ERBB4: variants seen among roughly 807,000 people sequenced by gnomAD.
The protein encoded by ERBB4 is receptor tyrosine-protein kinase erbB-4.
In ERBB4, 42 loss-of-function variants were observed where a neutral mutation model predicts 158.0. That is an observed-to-expected ratio of 0.27 (90% CI 0.21 to 0.34). The LOEUF is 0.34. Among genes scored for constraint, ERBB4 ranks in the 10% least tolerant of loss-of-function variants. The probability of loss-of-function intolerance (pLI) is 1.00; values close to 1 mark genes in which losing one functional copy is unlikely to be tolerated. For synonymous variants in ERBB4, 583 were observed against 558.7 expected, an observed-to-expected ratio of 1.04 and a Z score of -0.61; for missense variants, 1,333 against 1,624.1, an observed-to-expected ratio of 0.82 and a Z score of 3.08.
At chr2:211,409,404 T>C (rs998670820) in intron 25 of ERBB4, among the ~76,000 whole-genome samples, 13 of 152,228 alleles carry the variant, frequency 8.5e-5, no homozygotes, top group African/African-American at 3.1e-4. Flanking sequence ...CAATAAATGG[T>C]AGCTATATTT....
intron 1 of ERBB4, among the ~76,000 whole-genome samples, chr2:212,410,214 T>C (rs1159258525): frequency 1.3e-5 from 2 of 152,072 alleles, no homozygotes; most frequent in East Asian, 1.9e-4. Flanking sequence ...CTGTCATTTA[T>C]GGTGACAACT....
intron 1 of ERBB4, among the ~76,000 whole-genome samples, chr2:212,188,526 A>T (rs183944725): frequency 6.6e-6 from 1 of 151,868 alleles, no homozygotes; most frequent in Admixed American, 6.6e-5. Flanking sequence ...AGTCTCCTAC[A>T]TAAAAGTATT....
At chr2:211,619,153 G>A (rs2125846819) in intron 19 of ERBB4, 24 bp downstream of exon 19, 1 of 1,390,242 alleles carries the variant, frequency 7.2e-7, no homozygotes, top group South Asian at 1.2e-5. Flanking sequence ...AGAAAAATGT[G>A]ATTGCCTGGG....
At chr2:211,574,381 T>A (rs771778891) in intron 19 of ERBB4, among the ~76,000 whole-genome samples, 1 of 152,204 alleles carries the variant, frequency 6.6e-6, no homozygotes, top group Non-Finnish European at 1.5e-5. Context: ...CTTCAAAGAC[T>A]ACATAAATTT....
intron 1 of ERBB4, among the ~76,000 whole-genome samples, chr2:212,502,227 T>A (rs958227672): frequency 3.3e-5 from 5 of 152,140 alleles, no homozygotes; most frequent in African/African-American, 1.2e-4. Context: ...AAAACTGCTC[T>A]GGTGTTGAAG....
intron 1 of ERBB4, among the ~76,000 whole-genome samples, chr2:212,485,607 T>G (rs927027677): frequency 4.6e-5 from 7 of 152,146 alleles, no homozygotes; most frequent in African/African-American, 1.7e-4. Context: ...GTTAAAAAAT[T>G]TATTATAAAA....
At chr2:211,761,646 G>A (rs2075416835) in intron 4 of ERBB4, among the ~76,000 whole-genome samples, 1 of 152,148 alleles carries the variant, frequency 6.6e-6, no homozygotes, top group Non-Finnish European at 1.5e-5. Flanking sequence ...CAGTAAATGG[G>A]TCTAAAATAA....
intron 4 of ERBB4, among the ~76,000 whole-genome samples, chr2:211,753,747 A>T (rs754192074): frequency 6.8e-6 from 1 of 146,940 alleles, no homozygotes; most frequent in Non-Finnish European, 1.5e-5. Context: ...ATATATATAT[A>T]TTTAATATAT....
chr2:211,857,851 T>C (rs1218558479), intron 3 of ERBB4, among the ~76,000 whole-genome samples: 1 of 152,206 alleles, frequency 6.6e-6, no homozygotes, highest in Non-Finnish European at 1.5e-5. Context: ...TTCTCCGCTA[T>C]TGGGAAATGC....
intron 3 of ERBB4, among the ~76,000 whole-genome samples, chr2:211,805,433 A>G (rs2076592122): frequency 1.3e-5 from 2 of 152,262 alleles, no homozygotes; most frequent in Non-Finnish European, 2.9e-5. Flanking sequence ...AAGTCAAAGA[A>G]AGAAAACACA....
chr2:211,724,999 C>T (rs895050229), intron 6 of ERBB4, 77 bp downstream of exon 6: 25 of 1,106,052 alleles, frequency 2.3e-5, no homozygotes, highest in Non-Finnish European at 3.5e-5. Flanking sequence ...TGTAATAAGA[C>T]AAAGATTCAG....
At chr2:212,249,411 C>A (rs992469432) in intron 1 of ERBB4, among the ~76,000 whole-genome samples, 5 of 132,460 alleles carry the variant, frequency 3.8e-5, no homozygotes. Context: ...TTGTGACAAT[C>A]AAAAGGAAAA....
intron 3 of ERBB4, among the ~76,000 whole-genome samples, chr2:211,918,705 T>C (rs1032036064): frequency 1.3e-5 from 2 of 152,142 alleles, no homozygotes; most frequent in African/African-American, 2.4e-5. Context: ...GTGAAATAGA[T>C]ATGTCTGTCG....
Position 211,650,596 on chromosome 2 carries a change from C to T in ERBB4, c.1946+7158G>A, listed in dbSNP as rs77967652. ...ACACCCTTCTGTGAATATGCAATAT[C>T]ATTCCCTCTACTATTCTTATTTTGT... On this transcript the variant is annotated intron_variant, in intron 16 of 27. Transcript: ENST00000342788. 7.9e-3 allele frequency among the ~76,000 whole-genome samples: 1,208 copies of T among 152,152 alleles called. 16 individuals are homozygous for T. The highest frequency in any genetic ancestry group is 0.028 in the African/African-American group (1,159 of 41,532).
At chr2:211,590,725 C>A (rs145745901) in intron 19 of ERBB4, among the ~76,000 whole-genome samples, 1 of 152,128 alleles carries the variant, frequency 6.6e-6, no homozygotes, top group Non-Finnish European at 1.5e-5. Flanking sequence ...GCTGGCTCTG[C>A]GTTAATTACT....
chr2:211,428,354 T>C, intron 22 of ERBB4, 54 bp downstream of exon 22: 1 of 954,094 alleles, frequency 1.0e-6, no homozygotes, highest in South Asian at 1.3e-5. Flanking sequence ...CACATGAACT[T>C]AACATATGTA....
At chr2:211,504,080 ACTT>A (rs1472836991) in intron 20 of ERBB4, among the ~76,000 whole-genome samples, 2 of 152,110 alleles carry the variant, frequency 1.3e-5, no homozygotes, top group East Asian at 1.9e-4. Flanking sequence ...GCCATTTGCA[ACTT>A]CTGCTAACAT....
intron 1 of ERBB4, among the ~76,000 whole-genome samples, chr2:212,173,086 C>T (rs2081567868): frequency 6.6e-6 from 1 of 151,958 alleles, no homozygotes. Context: ...AGTTAAAAAA[C>T]AAAGGTCTTT....
At chr2:212,377,469 C>T (rs977715812) in intron 1 of ERBB4, among the ~76,000 whole-genome samples, 1 of 151,792 alleles carries the variant, frequency 6.6e-6, no homozygotes, top group South Asian at 2.1e-4. Context: ...CAAACCTGCA[C>T]TGCATATTAT....
Sources: allele counts gnomAD v4.1 joint callset (sites outside exome capture counted in the v4.1 genomes callset), GRCh38; gene constraint gnomAD v4.1.1; transcripts MANE v1.5; gene names NCBI Gene and HGNC (gene_info 2026-07-23, HGNC 2026-07-21).